Variants in NALF1 observed in about 807,000 individuals in gnomAD.
NALF1 encodes the protein family with sequence similarity 155 member A.
Under a neutral mutation model 48.4 loss-of-function variants are expected in NALF1, and 3 were observed. The observed-to-expected ratio is 0.06, with a 90% CI of 0.03 to 0.16. The LOEUF is 0.16. Ranked by LOEUF, NALF1 falls within the 10% of genes least tolerant of loss-of-function variation. NALF1 has a pLI of 1.00. For synonymous variants in NALF1, 262 were observed against 245.7 expected (o/e 1.07, Z -0.62); for missense variants, 526 against 571.5 (o/e 0.92, Z 0.81).
At position 107,621,139 on chromosome 13, in the gene NALF1, T is replaced by G. The variant is rs533830067; in HGVS notation, c.915+244543A>C. On this transcript the variant is annotated intron_variant, in intron 1 of 2. Transcript: ENST00000375915. ...GATGAACTTGCAGTTAGTAGTTACA[T>G]TCTGACTGTTTAAACTCTCCCAGCA... 2.0e-5 allele frequency among the ~76,000 whole-genome samples: 3 copies of G among 152,270 alleles called. No homozygotes were observed. The East Asian group carries it at 5.8e-4, about 29-fold the overall frequency.
intron 1 of NALF1, among the ~76,000 whole-genome samples, chr13:107,319,619 T>C (rs1029878250): frequency 3.3e-5 from 5 of 152,146 alleles, no homozygotes; most frequent in Non-Finnish European, 1.5e-5. Flanking sequence ...TAATTATTAA[T>C]TCATTAAATG....
At chr13:107,724,248 A>G (rs1055611743) in intron 1 of NALF1, among the ~76,000 whole-genome samples, 2 of 151,994 alleles carry the variant, frequency 1.3e-5, no homozygotes, top group African/African-American at 4.8e-5. Context: ...GCTCTTTTTT[A>G]ATTCTTCACT....
intron 1 of NALF1, among the ~76,000 whole-genome samples, chr13:107,521,200 T>C (rs1183529629): frequency 6.6e-6 from 1 of 152,190 alleles, no homozygotes; most frequent in Non-Finnish European, 1.5e-5. Flanking sequence ...GGACAAAATA[T>C]GTGCCATTTC....
intron 2 of NALF1, among the ~76,000 whole-genome samples, chr13:107,201,298 G>A (rs1228974359): frequency 9.9e-5 from 15 of 152,212 alleles, no homozygotes; most frequent in Admixed American, 9.2e-4. Context: ...GCTCTTCACA[G>A]TTCACAATGA....
At chr13:107,374,708 G>A (rs1411405337) in intron 1 of NALF1, among the ~76,000 whole-genome samples, 1 of 152,078 alleles carries the variant, frequency 6.6e-6, no homozygotes, top group Admixed American at 6.6e-5. Flanking sequence ...CAGGTGTTTA[G>A]GTCATGAGGC....
At chr13:107,697,175 A>C (rs1374376972) in intron 1 of NALF1, among the ~76,000 whole-genome samples, 1 of 152,170 alleles carries the variant, frequency 6.6e-6, no homozygotes, top group African/African-American at 2.4e-5. Flanking sequence ...ATGGAAACTG[A>C]AATAGGAAAT....
chr13:107,740,721 C>T (rs1876606982), intron 1 of NALF1, among the ~76,000 whole-genome samples: 1 of 152,156 alleles, frequency 6.6e-6, no homozygotes, highest in African/African-American at 2.4e-5. Context: ...TATAAATGGG[C>T]ATCATTTTCC....
At chr13:107,652,481 A>C (rs1425451414) in intron 1 of NALF1, among the ~76,000 whole-genome samples, 1 of 152,180 alleles carries the variant, frequency 6.6e-6, no homozygotes, top group Non-Finnish European at 1.5e-5. Flanking sequence ...ATGAAATTCA[A>C]CATATTTACA....
chr13:107,408,270 T>C (rs773006278), intron 1 of NALF1, among the ~76,000 whole-genome samples: 1 of 152,038 alleles, frequency 6.6e-6, no homozygotes, highest in Non-Finnish European at 1.5e-5. Context: ...TTAAAATAAT[T>C]AAAAGTATAC....
intron 2 of NALF1, among the ~76,000 whole-genome samples, chr13:107,193,471 A>G (rs9558972): frequency 0.73 from 110,690 of 152,026 alleles, 40,723 homozygotes; most frequent in African/African-American, 0.83. Context: ...TCATGTAGGC[A>G]TTGTTGGTCT....
chr13:107,590,833 T>C (rs1287937709), intron 1 of NALF1, among the ~76,000 whole-genome samples: 1 of 151,980 alleles, frequency 6.6e-6, no homozygotes, highest in African/African-American at 2.4e-5. Flanking sequence ...ATGACTCTCC[T>C]GCTCAATCAT....
At chr13:107,705,382 A>G (rs374926653) in intron 1 of NALF1, among the ~76,000 whole-genome samples, 2 of 152,214 alleles carry the variant, frequency 1.3e-5, no homozygotes, top group East Asian at 1.9e-4. Context: ...CTGCAGTTAG[A>G]ACCAGCAAAG....
At chr13:107,319,285 T>C (rs1005760238) in intron 1 of NALF1, among the ~76,000 whole-genome samples, 5 of 152,102 alleles carry the variant, frequency 3.3e-5, no homozygotes, top group Admixed American at 2.0e-4. Flanking sequence ...AGAAGAACGC[T>C]GTGATTAGAT....
At chr13:107,537,755 T>C (rs1043689515) in intron 1 of NALF1, among the ~76,000 whole-genome samples, 4 of 152,124 alleles carry the variant, frequency 2.6e-5, no homozygotes, top group African/African-American at 9.7e-5. Flanking sequence ...TGGTGGCTCA[T>C]GCCTATAATC....
chr13:107,441,867 T>C, intron 1 of NALF1, among the ~76,000 whole-genome samples: 1 of 152,254 alleles, frequency 6.6e-6, no homozygotes, highest in South Asian at 2.1e-4. Flanking sequence ...GGTTTGATCA[T>C]ATAAGTGAAT....
intron 1 of NALF1, among the ~76,000 whole-genome samples, chr13:107,373,431 T>C (rs1365649796): frequency 6.6e-6 from 1 of 152,162 alleles, no homozygotes; most frequent in African/African-American, 2.4e-5. Context: ...TCCAGTGTTT[T>C]AGTGTCTCAG....
chr13:107,762,400 CA>C (rs1303982627), intron 1 of NALF1, among the ~76,000 whole-genome samples: 1 of 151,632 alleles, frequency 6.6e-6, no homozygotes, highest in Non-Finnish European at 1.5e-5. Flanking sequence ...ACATTGTGCA[CA>C]TATAGCCTAG....
At chr13:107,192,677 G>A (rs1397102260) in intron 2 of NALF1, among the ~76,000 whole-genome samples, 1 of 152,146 alleles carries the variant, frequency 6.6e-6, no homozygotes, top group Non-Finnish European at 1.5e-5. Flanking sequence ...CAAACTCTCA[G>A]GCCTTCCAAG....
At chr13:107,747,886 T>C (rs574013587) in intron 1 of NALF1, among the ~76,000 whole-genome samples, 1 of 152,260 alleles carries the variant, frequency 6.6e-6, no homozygotes, top group East Asian at 1.9e-4. Flanking sequence ...CTAAATGTAA[T>C]TATTTCTGAT....
Sources: allele counts gnomAD v4.1 joint callset (sites outside exome capture counted in the v4.1 genomes callset), GRCh38; gene constraint gnomAD v4.1.1; transcripts MANE v1.5; gene names NCBI Gene and HGNC (gene_info 2026-07-23, HGNC 2026-07-21).